PTPRO: variants seen among roughly 807,000 people sequenced by gnomAD.
PTPRO encodes the protein receptor-type tyrosine-protein phosphatase O.
PTPRO carries 62 observed loss-of-function variants against 145.2 expected under a neutral mutation model. The ratio of observed to expected loss-of-function variants is 0.43; its 90% CI spans 0.35 to 0.53. The LOEUF (loss-of-function observed/expected upper bound fraction) is 0.53. Ranked by LOEUF, PTPRO falls within the 20% of genes least tolerant of loss-of-function variation. PTPRO has a pLI of 0.01. For synonymous variants in PTPRO, 565 were observed against 514.7 expected, an observed-to-expected ratio of 1.10 and a Z score of -1.32; for missense variants, 1,345 against 1,482.7, an observed-to-expected ratio of 0.91 and a Z score of 1.53.
chr12:15,434,120 T>G (rs1328366112), intron 1 of PTPRO, among the ~76,000 whole-genome samples: 1 of 152,210 alleles, frequency 6.6e-6, no homozygotes, highest in African/African-American at 2.4e-5. Context: ...AGTAGTCCAG[T>G]AAAATGCCCT....
chr12:15,541,468 T>A (rs1269423285), intron 12 of PTPRO, among the ~76,000 whole-genome samples: 2 of 152,214 alleles, frequency 1.3e-5, no homozygotes, highest in African/African-American at 4.8e-5. Context: ...TACCACAGAC[T>A]GGGTGGCTTA....
chr12:15,457,912 T>C (rs759687091), intron 1 of PTPRO, among the ~76,000 whole-genome samples: 7 of 152,224 alleles, frequency 4.6e-5, no homozygotes, highest in Non-Finnish European at 1.0e-4. Flanking sequence ...AGTATTACAG[T>C]GTTCTGTTTT....
chr12:15,325,908 C>T (rs1163955533), intron 1 of PTPRO, among the ~76,000 whole-genome samples: 1 of 151,994 alleles, frequency 6.6e-6, no homozygotes, highest in Non-Finnish European at 1.5e-5. Context: ...CTTTTTTAAC[C>T]CCTTCTCTCT....
At chr12:15,358,422 T>A (rs1938068348) in intron 1 of PTPRO, among the ~76,000 whole-genome samples, 1 of 152,126 alleles carries the variant, frequency 6.6e-6, no homozygotes. Flanking sequence ...TTCCTGAGCC[T>A]AATTTTCCGG....
intron 1 of PTPRO, among the ~76,000 whole-genome samples, chr12:15,355,041 A>G (rs139250397): frequency 1.4e-4 from 22 of 152,190 alleles, no homozygotes; most frequent in African/African-American, 5.3e-4. Context: ...TTGAGTAGTA[A>G]AGGAATTTGG....
intron 1 of PTPRO, among the ~76,000 whole-genome samples, chr12:15,354,297 A>G (rs1473672600): frequency 6.6e-6 from 1 of 152,166 alleles, no homozygotes; most frequent in East Asian, 1.9e-4. Context: ...CAGTGATTTC[A>G]CCGTTCTTCC....
chr12:15,378,839 T>C (rs1481119416), intron 1 of PTPRO, among the ~76,000 whole-genome samples: 1 of 152,026 alleles, frequency 6.6e-6, no homozygotes, highest in Non-Finnish European at 1.5e-5. Flanking sequence ...ACTTAATAAC[T>C]CAGTAACAAA....
intron 1 of PTPRO, among the ~76,000 whole-genome samples, chr12:15,337,138 A>C (rs865840650): frequency 1.5e-4 from 23 of 152,326 alleles, no homozygotes; most frequent in Admixed American, 1.3e-4. Flanking sequence ...GTTTTGTAGG[A>C]AGAAATATTT....
chr12:15,479,859 A>T (rs1941741063), intron 1 of PTPRO, among the ~76,000 whole-genome samples: 1 of 152,182 alleles, frequency 6.6e-6, no homozygotes, highest in Non-Finnish European at 1.5e-5. Flanking sequence ...GAGTATGAGG[A>T]TCACCACAGT....
intron 1 of PTPRO, among the ~76,000 whole-genome samples, chr12:15,423,927 C>T (rs1940214065): frequency 6.6e-6 from 1 of 152,150 alleles, no homozygotes; most frequent in Non-Finnish European, 1.5e-5. Context: ...TTCATTGTTT[C>T]TCCAGCCAAG....
chr12:15,484,576 T>G (rs2075242), intron 2 of PTPRO, among the ~76,000 whole-genome samples: 79,682 of 148,414 alleles, frequency 0.54, 22,092 homozygotes, highest in Middle Eastern at 0.67. Context: ...AACTTGTTTA[T>G]TTTTTTCCAG....
chr12:15,351,365 G>A (rs1044289281), intron 1 of PTPRO, among the ~76,000 whole-genome samples: 2 of 152,120 alleles, frequency 1.3e-5, no homozygotes, highest in African/African-American at 2.4e-5. Context: ...AGTGATTTTA[G>A]TGGGGCTGTC....
At chr12:15,502,569 G>A (rs1235931672) in intron 5 of PTPRO, among the ~76,000 whole-genome samples, 3 of 152,112 alleles carry the variant, frequency 2.0e-5, no homozygotes, top group African/African-American at 7.2e-5. Flanking sequence ...TCTAGAAAAA[G>A]CACCACAGTT....
At chr12:15,555,026 A>G (rs1943580134) in intron 15 of PTPRO, among the ~76,000 whole-genome samples, 1 of 152,140 alleles carries the variant, frequency 6.6e-6, no homozygotes, top group South Asian at 2.1e-4. Context: ...ACTTGAGGTC[A>G]GGAGTTTGAG....
chr12:15,357,075 G>C (rs1263608018), intron 1 of PTPRO, among the ~76,000 whole-genome samples: 1 of 152,222 alleles, frequency 6.6e-6, no homozygotes, highest in Admixed American at 6.5e-5. Flanking sequence ...GCTTAGAGCA[G>C]GGTATAAACA....
In PTPRO at chr12:15,430,672, T is replaced by C. The variant is rs77863327; in HGVS notation, c.76-53302T>C. On this transcript the variant is annotated intron_variant, in intron 1 of 26. Coordinates refer to ENST00000281171, the MANE Select transcript of PTPRO (RefSeq NM_030667.3). The stretch of plus-strand genomic sequence containing the variant: ...AGATCTATTGTACATCATGGATGCT[T>C]AGTAACAATATATTATACACTTGAA... Among the ~76,000 whole-genome samples the C allele has an allele frequency of 2.3e-3, 356 of 152,248 alleles. 1 individual carries two copies. Among genetic ancestry groups the C allele is most frequent in the African/African-American group, 8.1e-3 (338 of 41,554 alleles).
chr12:15,387,511 C>G (rs914793908), intron 1 of PTPRO, among the ~76,000 whole-genome samples: 12 of 152,262 alleles, frequency 7.9e-5, no homozygotes, highest in African/African-American at 2.9e-4. Flanking sequence ...TCTACTTCCC[C>G]CTTCATAGGT....
chr12:15,477,828 AGAGGGCATCCCATCTACCTTT>A (rs1220736377), intron 1 of PTPRO, among the ~76,000 whole-genome samples: 2 of 152,254 alleles, frequency 1.3e-5, no homozygotes, highest in East Asian at 3.9e-4. Context: ...CAGAGGGATG[AGAGGGCATCCCATCTACCTTT>A]GAGGCCTGGA....
chr12:15,494,863 A>C (rs561484337), intron 2 of PTPRO, among the ~76,000 whole-genome samples: 119 of 152,328 alleles, frequency 7.8e-4, no homozygotes, highest in African/African-American at 2.7e-3. Context: ...ACAGGACTGC[A>C]GCAGTGAAGG....
Sources: allele counts gnomAD v4.1 joint callset (sites outside exome capture counted in the v4.1 genomes callset), GRCh38; gene constraint gnomAD v4.1.1; transcripts MANE v1.5; gene names NCBI Gene and HGNC (gene_info 2026-07-23, HGNC 2026-07-21).